Variants in NEGR1 observed in about 807,000 individuals in gnomAD.
NEGR1 encodes the protein IgLON family member 4.
NEGR1 carries 10 observed loss-of-function variants against 40.9 expected under a neutral mutation model. That is an observed-to-expected ratio of 0.24 (90% CI 0.15 to 0.42). The LOEUF is 0.42. NEGR1 is among the 10% of genes least tolerant of loss of function. The pLI is 1.00. For missense variants in NEGR1, 352 were observed against 438.9 expected, an observed-to-expected ratio of 0.80 and a Z score of 1.77; for synonymous variants, 185 against 166.8, an observed-to-expected ratio of 1.11 and a Z score of -0.84.
At chr1:71,411,104 A>T (rs1310758406) in intron 6 of NEGR1, among the ~76,000 whole-genome samples, 1 of 152,160 alleles carries the variant, frequency 6.6e-6, no homozygotes, top group African/African-American at 2.4e-5. Context: ...TTGGTACTTA[A>T]TAGGTGTTCA....
At chr1:71,822,668 GTT>G (rs1313615467) in intron 2 of NEGR1, among the ~76,000 whole-genome samples, 8 of 151,930 alleles carry the variant, frequency 5.3e-5, no homozygotes, top group African/African-American at 1.9e-4. Flanking sequence ...AAGGTCAGTG[GTT>G]TATTCTCACT....
intron 2 of NEGR1, among the ~76,000 whole-genome samples, chr1:71,903,942 A>C (rs935344413): frequency 7.2e-5 from 11 of 151,842 alleles, no homozygotes; most frequent in Non-Finnish European, 1.0e-4. Context: ...TGGCCTTCTA[A>C]TTTGCATGAG....
At chr1:71,469,585 A>G (rs1369720433) in intron 6 of NEGR1, among the ~76,000 whole-genome samples, 2 of 152,062 alleles carry the variant, frequency 1.3e-5, no homozygotes, top group East Asian at 3.9e-4. Flanking sequence ...AGAAGCACTT[A>G]TATCATCTCA....
intron 1 of NEGR1, among the ~76,000 whole-genome samples, chr1:72,159,114 G>A (rs929852012): frequency 6.6e-6 from 1 of 152,056 alleles, no homozygotes; most frequent in African/African-American, 2.4e-5. Context: ...ATTTTCTTCT[G>A]TGCTTGTAGA....
chr1:71,814,606 T>G (rs1031853905), intron 2 of NEGR1, among the ~76,000 whole-genome samples: 2 of 152,146 alleles, frequency 1.3e-5, no homozygotes, highest in Non-Finnish European at 2.9e-5. Flanking sequence ...ATTGGTCTAT[T>G]CAGGGATTCA....
intron 6 of NEGR1, among the ~76,000 whole-genome samples, chr1:71,480,760 C>T (rs910258579): frequency 3.3e-5 from 5 of 151,852 alleles, no homozygotes; most frequent in African/African-American, 1.2e-4. Flanking sequence ...ACTTATTTTA[C>T]AAATCTTGGC....
chr1:71,837,340 A>G (rs559489925), intron 2 of NEGR1, among the ~76,000 whole-genome samples: 1 of 152,246 alleles, frequency 6.6e-6, no homozygotes, highest in Non-Finnish European at 1.5e-5. Context: ...TGCATATAGG[A>G]GAGGTTCAAG....
At chr1:71,552,675 C>G (rs549405891) in intron 6 of NEGR1, among the ~76,000 whole-genome samples, 1 of 150,180 alleles carries the variant, frequency 6.7e-6, no homozygotes, top group Non-Finnish European at 1.5e-5. Flanking sequence ...GTATATATGA[C>G]ATTATATATT....
intron 2 of NEGR1, among the ~76,000 whole-genome samples, chr1:71,804,657 G>A (rs1018877560): frequency 1.6e-4 from 24 of 152,176 alleles, no homozygotes; most frequent in Non-Finnish European, 2.9e-4. Context: ...ATACCCTTGT[G>A]ATTTCCTATG....
chr1:71,977,601 C>T (rs957306677), intron 1 of NEGR1, among the ~76,000 whole-genome samples: 1 of 151,690 alleles, frequency 6.6e-6, no homozygotes, highest in Non-Finnish European at 1.5e-5. Context: ...TTTTTTGTAA[C>T]AGAAAAGATA....
chr1:71,725,524 G>A (rs1165411304), intron 3 of NEGR1, among the ~76,000 whole-genome samples: 2 of 152,048 alleles, frequency 1.3e-5, no homozygotes. Context: ...TGCATCACAA[G>A]TAAGAAGCGT....
chr1:71,427,321 C>A (rs184253668), intron 6 of NEGR1, among the ~76,000 whole-genome samples: 38 of 152,264 alleles, frequency 2.5e-4, no homozygotes, highest in African/African-American at 5.3e-4. Context: ...ATAGCATGGA[C>A]TGTCCTCATC....
Position 71,399,882 on chromosome 1 carries a change from A to G in NEGR1, c.*7564T>C, listed in dbSNP as rs551990965. 3.9e-5 allele frequency: 6 copies of G among 152,316 alleles called. No homozygotes were observed. The East Asian group carries it at 9.7e-4, about 25-fold the overall frequency. 9.4% of individuals were successfully genotyped at this position (152,316 alleles called of 1,614,324 possible). On this transcript the variant is annotated 3_prime_UTR_variant, in exon 7 of 7. Transcript: ENST00000357731. ...TTACTAGGTATTTTTAGAACAATCA[A>G]GAGAATTTTGTTCCTTAGCTTTAGC...
intron 4 of NEGR1, among the ~76,000 whole-genome samples, chr1:71,695,149 C>A (rs149617900): frequency 2.0e-5 from 3 of 151,742 alleles, no homozygotes; most frequent in African/African-American, 4.8e-5. Context: ...CCTTTTATAA[C>A]AAGAAACTTT....
At chr1:71,445,416 TA>T (rs200160477) in intron 6 of NEGR1, among the ~76,000 whole-genome samples, 5,006 of 143,374 alleles carry the variant, frequency 0.035, 272 homozygotes, top group African/African-American at 0.12. Context: ...CCCTAGAGAT[TA>T]AAAAAAAAAA....
intron 1 of NEGR1, among the ~76,000 whole-genome samples, chr1:72,150,106 A>C (rs1570044575): frequency 1.3e-5 from 2 of 152,112 alleles, no homozygotes; most frequent in East Asian, 3.9e-4. Context: ...TTTTATGGGC[A>C]TTAAATTTCC....
At chr1:71,500,342 A>C (rs566620742) in intron 6 of NEGR1, among the ~76,000 whole-genome samples, 1 of 152,144 alleles carries the variant, frequency 6.6e-6, no homozygotes, top group African/African-American at 2.4e-5. Flanking sequence ...AATGACAATA[A>C]TCACTTTCTT....
intron 6 of NEGR1, among the ~76,000 whole-genome samples, chr1:71,581,714 T>TA (rs397758102): frequency 8.8e-4 from 132 of 150,708 alleles, no homozygotes; most frequent in Middle Eastern, 3.4e-3. Context: ...TTTTTTTTTT[T>TA]AAATTTGAGA....
chr1:71,883,510 A>C (rs1660638001), intron 2 of NEGR1, among the ~76,000 whole-genome samples: 1 of 152,330 alleles, frequency 6.6e-6, no homozygotes, highest in African/African-American at 2.4e-5. Context: ...ATAGAGTCTA[A>C]TATAGTGATA....
Sources: gnomAD v4.1 joint callset for allele counts (sites outside exome capture counted in the v4.1 genomes callset) on GRCh38, gnomAD v4.1.1 for gene constraint, MANE v1.5 for transcripts, NCBI Gene and HGNC (gene_info 2026-07-23, HGNC 2026-07-21) for gene names.